Variants in DDX3X observed in about 807,000 individuals in gnomAD.
DDX3X encodes ATP-dependent RNA helicase DDX3X.
DDX3X carries 4 observed loss-of-function variants against 52.7 expected under a neutral mutation model. That is an observed-to-expected ratio of 0.08 (90% CI 0.04 to 0.17). DDX3X has a LOEUF of 0.17. DDX3X is among the 10% of genes least tolerant of loss of function. The pLI is 1.00. For synonymous variants in DDX3X, 192 were observed against 178.1 expected, an observed-to-expected ratio of 1.08 and a Z score of -0.62; for missense variants, 222 against 548.6, an observed-to-expected ratio of 0.40 and a Z score of 5.95.
downstream of DDX3X, among the ~76,000 whole-genome samples, chrX:41,353,180 G>A (rs1268684676): frequency 2.7e-5 from 3 of 109,541 alleles, no homozygotes; most frequent in Non-Finnish European, 5.7e-5. Context: ...TGGGCTGGGC[G>A]CAGTGGCTCA....
At chrX:41,339,521 C>A (rs1020623393) in intron 3 of DDX3X, 1 of 112,706 alleles carries the variant, frequency 8.9e-6, no homozygotes, top group Non-Finnish European at 1.9e-5. Context: ...GGAAGTGATT[C>A]TCTGGTTTCA....
At chrX:41,363,340 G>T (rs957955991) in intron 5 of DDX3X, among the ~76,000 whole-genome samples, 1 of 110,665 alleles carries the variant, frequency 9.0e-6, no homozygotes. Context: ...CAGGAGAATC[G>T]CTTGAACCCA....
At chrX:41,354,641 T>C (rs760449918), downstream of DDX3X, among the ~76,000 whole-genome samples, 1 of 110,351 alleles carries the variant, frequency 9.1e-6, no homozygotes, top group Non-Finnish European at 1.9e-5. Context: ...TCTTTTTAAA[T>C]CGTATCTGTC....
At chrX:41,342,946 A>AT in intron 6 of DDX3X, 110 bp downstream of exon 6, 5 of 668,324 alleles carry the variant, frequency 7.5e-6, no homozygotes, top group Non-Finnish European at 1.1e-5. Flanking sequence ...GGCTTCATAG[A>AT]TTTGTGGAAA....
chrX:41,363,018 A>AC (rs2064035341), intron 5 of DDX3X, among the ~76,000 whole-genome samples: 1 of 112,216 alleles, frequency 8.9e-6, no homozygotes, highest in African/African-American at 3.2e-5. Flanking sequence ...AGAGATTACC[A>AC]CCTCACTGAC....
Position 41,341,532 on chromosome X carries a change from A to G in DDX3X, c.200A>G (p.Asp67Gly). 8.3e-7 allele frequency: 1 copy of G among 1,206,673 alleles called. No individual in the cohort carries two copies. The highest frequency in any genetic ancestry group is 1.1e-6 in the Non-Finnish European group (1 of 890,716). The change falls in exon 4 of 17, where the codon GAT (aspartate) becomes GGT (glycine). Residue 67 changes from aspartate (D) to glycine (G), a missense_variant. Asp to Gly is a moderately conservative substitution (Grantham distance 94). Coordinates refer to ENST00000644876, the MANE Select transcript of DDX3X (RefSeq NM_001356.5). The stretch of plus-strand genomic sequence containing the variant: ...GGGTGGAGTTCTAGCAAAGATAAGG[A>G]TGCGTATAGCAGTTTTGGATCTCGT... ...SSGWSSSKDK[D>G]AYSSFGSRSD... is the part of the protein sequence containing the mutation.
chrX:41,357,727 C>T (rs1052965107), intron 5 of DDX3X: 4 of 276,084 alleles, frequency 1.4e-5, no homozygotes, highest in Non-Finnish European at 1.9e-5. Context: ...TGAGCCACTG[C>T]GTGCAGCCTA....
intron 1 of DDX3X, among the ~76,000 whole-genome samples, chrX:41,336,968 CAAGTATT>C (rs1222190893): frequency 8.9e-6 from 1 of 111,989 alleles, no homozygotes; most frequent in East Asian, 2.8e-4. Context: ...TTTAAAATAT[CAAGTATT>C]ACGGAAAGTT....
At chrX:41,343,687 A>G (rs777192916) in intron 7 of DDX3X, 50 bp from the exon 8 acceptor site, 1 of 1,058,268 alleles carries the variant, frequency 9.4e-7, no homozygotes, top group Non-Finnish European at 1.3e-6. Flanking sequence ...TCATCTACCA[A>G]TGTCTGTTTA....
intron 2 of DDX3X, 40 bp from the exon 3 acceptor site, chrX:41,338,996 T>C (rs1174958613): frequency 1.5e-6 from 1 of 646,412 alleles, no homozygotes; most frequent in Admixed American, 5.5e-5. Context: ...GAAGGTTTTT[T>C]GGCATTTAAT....
chrX:41,344,637 C>T, intron 10 of DDX3X: 1 of 381,272 alleles, frequency 2.6e-6, no homozygotes, highest in Non-Finnish European at 4.6e-6. Flanking sequence ...GGGGTTTCTC[C>T]ATGTTGGTCA....
chrX:41,347,261 C>G (rs769708721), intron 15 of DDX3X, 51 bp from the exon 16 acceptor site: 42 of 1,155,980 alleles, frequency 3.6e-5, no homozygotes, highest in Non-Finnish European at 4.8e-5. Context: ...AGTTAGGTTA[C>G]TTTAGTGGAA....
At chrX:41,334,619 C>T (rs769741437) in intron 1 of DDX3X, 11 of 1,089,050 alleles carry the variant, frequency 1.0e-5, no homozygotes, top group South Asian at 2.0e-5. Context: ...TGATTAGTGA[C>T]CTGGGGGGGT....
Position 41,344,025 on chromosome X carries a change from CT to C in DDX3X, c.766-3del. On this transcript the variant is annotated splice_region_variant and splice_polypyrimidine_tract_variant and intron_variant, in intron 8 of 16. Coordinates refer to ENST00000644876, the MANE Select transcript of DDX3X (RefSeq NM_001356.5). ...AGTTAACTTAAAAATTAACTTATTT[CT>C]TAGGAAAATGGAAGGTATGGGCGCC... 1 of 1,193,642 alleles carries C rather than the reference CT, an allele frequency of 8.4e-7. No homozygotes were observed. The highest frequency in any genetic ancestry group is 1.1e-6 in the Non-Finnish European group (1 of 887,121).
At chrX:41,355,215 T>TA (rs2064003882), downstream of DDX3X, among the ~76,000 whole-genome samples, 1 of 112,007 alleles carries the variant, frequency 8.9e-6, no homozygotes, top group Admixed American at 9.6e-5. Context: ...GTTTGTGACT[T>TA]ACAAATAAAG....
chrX:41,358,061 C>T (rs1291180120), intron 5 of DDX3X: 2 of 111,036 alleles, frequency 1.8e-5, no homozygotes, highest in Non-Finnish European at 1.7e-5. Flanking sequence ...CAGAGATAGA[C>T]ACTCTTTTTT....
In DDX3X at chrX:41,334,667, G is replaced by T. The variant is rs373874671; in HGVS notation, c.45+370G>T. 9.8e-5 allele frequency: 102 copies of T among 1,039,595 alleles called. No homozygotes were observed. In the East Asian group the frequency reaches 2.3e-3, roughly 23 times the overall value. The allele number at this position is 1,039,595 out of a possible 1,213,427, so 85.7% of individuals were successfully genotyped here. Reference sequence around the variant, plus strand: ...GCAGCGCGGCGGGACGCGACTGGAGGCCCTTTTGGCTTGGAGGGCTTCGGC... The same window carrying T: ...GCAGCGCGGCGGGACGCGACTGGAGTCCCTTTTGGCTTGGAGGGCTTCGGC... On this transcript the variant is annotated intron_variant, in intron 1 of 16. Transcript: ENST00000644876.
intron 5 of DDX3X, among the ~76,000 whole-genome samples, chrX:41,362,083 C>CTT (rs1176759189): frequency 0.069 from 5,014 of 72,612 alleles, 281 homozygotes; most frequent in East Asian, 0.33. Flanking sequence ...AAATAATTAA[C>CTT]TTTTTTTTTT....
chrX:41,334,842 G>T, intron 1 of DDX3X: 2 of 765,647 alleles, frequency 2.6e-6, no homozygotes, highest in East Asian at 1.9e-4. Flanking sequence ...CTTTTGTGTG[G>T]TGCTGGGCGG....
Sources: gnomAD v4.1 joint callset for allele counts (sites outside exome capture counted in the v4.1 genomes callset) on GRCh38, gnomAD v4.1.1 for gene constraint, MANE v1.5 for transcripts, NCBI Gene and HGNC (gene_info 2026-07-23, HGNC 2026-07-21) for gene names.